The following MIR2052HG variants were observed in gnomAD, a reference collection of about 807,000 sequenced individuals.
MIR2052HG encodes the protein MIR2052 host gene.
intron 2 of MIR2052HG, among the ~76,000 whole-genome samples, chr8:74,682,287 G>C (rs987055117): frequency 6.6e-6 from 1 of 152,086 alleles, no homozygotes; most frequent in Non-Finnish European, 1.5e-5. Context: ...CTAAATACAA[G>C]AAGAAAGATT....
chr8:74,642,638 G>A (rs1808650552), intron 2 of MIR2052HG, among the ~76,000 whole-genome samples: 2 of 152,090 alleles, frequency 1.3e-5, no homozygotes, highest in Non-Finnish European at 2.9e-5. Context: ...ACAAGCAGCA[G>A]AGTCTTTAGA....
chr8:74,751,219 T>C (rs1322666499), intron 4 of MIR2052HG, among the ~76,000 whole-genome samples: 2 of 152,294 alleles, frequency 1.3e-5, no homozygotes, highest in East Asian at 3.9e-4. Context: ...CAGCTCATAC[T>C]ATAAACAAAC....
intron 2 of MIR2052HG, among the ~76,000 whole-genome samples, chr8:74,620,833 A>C (rs190319632): frequency 1.3e-5 from 2 of 152,298 alleles, no homozygotes; most frequent in East Asian, 3.9e-4. Flanking sequence ...TACTTATGCA[A>C]ATTTCTGTGG....
chr8:74,719,067 C>A (rs73339269), intron 4 of MIR2052HG, among the ~76,000 whole-genome samples: 69 of 133,302 alleles, frequency 5.2e-4, no homozygotes, highest in African/African-American at 2.1e-3. Flanking sequence ...GACAAATATC[C>A]GTGTACATCT....
At chr8:74,743,097 C>G (rs1461611304) in intron 4 of MIR2052HG, among the ~76,000 whole-genome samples, 1 of 150,982 alleles carries the variant, frequency 6.6e-6, no homozygotes, top group African/African-American at 2.4e-5. Context: ...AAAAAAACAC[C>G]AAAAAACAAA....
intron 2 of MIR2052HG, among the ~76,000 whole-genome samples, chr8:74,657,401 G>A (rs1162114373): frequency 6.6e-6 from 1 of 152,120 alleles, no homozygotes; most frequent in Non-Finnish European, 1.5e-5. Flanking sequence ...CACAGTAAAA[G>A]CCAGCATTCT....
chr8:74,645,589 A>G (rs1808683404), intron 2 of MIR2052HG, among the ~76,000 whole-genome samples: 1 of 152,170 alleles, frequency 6.6e-6, no homozygotes, highest in South Asian at 2.1e-4. Flanking sequence ...CCGGCCTAGA[A>G]GATTAAATCT....
chr8:74,682,312 A>G lies in MIR2052HG; in HGVS notation n.217-20067A>G, dbSNP rs114685116. ...GAAGAAAGATTGATTTACTGCTTTG[A>G]AATTATTAACTCTTTTTATCAGATG... On this transcript the variant is annotated intron_variant and non_coding_transcript_variant, in intron 2 of 6. Transcript: ENST00000523442. 6.0e-3 allele frequency among the ~76,000 whole-genome samples: 909 copies of G among 152,258 alleles called. 11 individuals are homozygous for G. The highest frequency in any genetic ancestry group is 0.02 in the African/African-American group (838 of 41,572).
At chr8:74,669,938 G>A (rs1256645549) in intron 2 of MIR2052HG, among the ~76,000 whole-genome samples, 1 of 152,148 alleles carries the variant, frequency 6.6e-6, no homozygotes, top group African/African-American at 2.4e-5. Flanking sequence ...TATATCTGGA[G>A]ACAGGGCCTT....
chr8:74,669,133 T>G (rs995372249), intron 2 of MIR2052HG, among the ~76,000 whole-genome samples: 4 of 152,188 alleles, frequency 2.6e-5, no homozygotes, highest in Admixed American at 6.5e-5. Flanking sequence ...TAATTTCAAC[T>G]TTAATATGCT....
intron 2 of MIR2052HG, among the ~76,000 whole-genome samples, chr8:74,669,757 T>G (rs1269706521): frequency 6.6e-6 from 1 of 152,162 alleles, no homozygotes; most frequent in Non-Finnish European, 1.5e-5. Flanking sequence ...TTTTTCTATC[T>G]TCTCCTCCCT....
At chr8:74,640,442 G>A (rs1401411019) in intron 2 of MIR2052HG, among the ~76,000 whole-genome samples, 9 of 134,916 alleles carry the variant, frequency 6.7e-5, no homozygotes, top group Non-Finnish European at 9.1e-5. Context: ...CTGCACTCCA[G>A]CCTGGACAGG....
At chr8:74,604,054 G>A in intron 1 of MIR2052HG, 4 of 965,276 alleles carry the variant, frequency 4.1e-6, no homozygotes, top group Non-Finnish European at 6.8e-6. Flanking sequence ...GGCATTAGCA[G>A]GTCCAGCAAA....
intron 2 of MIR2052HG, among the ~76,000 whole-genome samples, chr8:74,700,989 G>C (rs1012745123): frequency 7.9e-5 from 12 of 152,142 alleles, no homozygotes; most frequent in Non-Finnish European, 1.6e-4. Flanking sequence ...ATAAAATGCA[G>C]TAAGTGATTT....
intron 2 of MIR2052HG, among the ~76,000 whole-genome samples, chr8:74,631,108 G>T (rs1000794869): frequency 6.6e-6 from 1 of 152,288 alleles, no homozygotes; most frequent in East Asian, 1.9e-4. Context: ...AGAGTAGTTT[G>T]AGGATAGAGC....
chr8:74,634,577 C>T (rs764822097), intron 2 of MIR2052HG, among the ~76,000 whole-genome samples: 13 of 151,934 alleles, frequency 8.6e-5, no homozygotes, highest in Admixed American at 3.3e-4. Context: ...GTAATATTTA[C>T]TCAGTGCTTA....
intron 1 of MIR2052HG, among the ~76,000 whole-genome samples, chr8:74,610,204 A>C (rs1470187903): frequency 6.6e-6 from 1 of 152,004 alleles, no homozygotes; most frequent in African/African-American, 2.4e-5. Context: ...AGATTAATAT[A>C]CAAAATTTAA....
At chr8:74,634,011 C>T (rs1808551425) in intron 2 of MIR2052HG, among the ~76,000 whole-genome samples, 1 of 152,092 alleles carries the variant, frequency 6.6e-6, no homozygotes, top group South Asian at 2.1e-4. Flanking sequence ...TAGTTTCTTT[C>T]CTCAAATATC....
rs536576989 is a variant in MIR2052HG, at chr8:74,741,036, C to T, written n.372-11405C>T. Among the ~76,000 whole-genome samples the T allele has an allele frequency of 9.2e-5, 14 of 152,320 alleles. No homozygotes were observed. In the South Asian group the frequency reaches 2.5e-3, roughly 27 times the overall value. ...GTGGAAATACTGAGTTAGGCTCCTGCAAACCTTTGGTTATATTTTATCAAT... is the reference window on the plus strand; with the variant it reads ...GTGGAAATACTGAGTTAGGCTCCTGTAAACCTTTGGTTATATTTTATCAAT... On this transcript the variant is annotated intron_variant and non_coding_transcript_variant, in intron 4 of 6. Coordinates refer to ENST00000523442, the Ensembl canonical transcript of MIR2052HG.
Sources: allele counts gnomAD v4.1 joint callset (sites outside exome capture counted in the v4.1 genomes callset), GRCh38; gene constraint gnomAD v4.1.1; transcripts MANE v1.5; gene names NCBI Gene and HGNC (gene_info 2026-07-23, HGNC 2026-07-21).